Variants in NRDC observed in about 807,000 individuals in gnomAD.
NRDC encodes nardilysin.
NRDC carries 54 observed loss-of-function variants against 147.1 expected under a neutral mutation model. The ratio of observed to expected loss-of-function variants is 0.37; its 90% CI spans 0.29 to 0.46. The LOEUF is 0.46. NRDC is among the 20% of genes least tolerant of loss of function. NRDC has a pLI of 1.00. For missense variants in NRDC, 1,082 were observed against 1,370.6 expected, an observed-to-expected ratio of 0.79 and a Z score of 3.33; for synonymous variants, 440 against 482.1, an observed-to-expected ratio of 0.91 and a Z score of 1.14.
chr1:51,834,824 T>C (rs1359598549), intron 3 of NRDC, among the ~76,000 whole-genome samples: 1 of 152,108 alleles, frequency 6.6e-6, no homozygotes, highest in Non-Finnish European at 1.5e-5. Context: ...CACAAACATA[T>C]ATGCAGATTA....
intron 1 of NRDC, among the ~76,000 whole-genome samples, chr1:51,849,547 T>A (rs1681832166): frequency 1.3e-5 from 2 of 152,304 alleles, no homozygotes; most frequent in South Asian, 4.1e-4. Flanking sequence ...CCGGGCACGG[T>A]GGCTCACGCC....
At chr1:51,802,393 G>GT (rs1233877157) in intron 20 of NRDC, among the ~76,000 whole-genome samples, 1 of 152,002 alleles carries the variant, frequency 6.6e-6, no homozygotes, top group Non-Finnish European at 1.5e-5. Flanking sequence ...TATATATTAG[G>GT]TTTTAATATT....
At chr1:51,791,823 T>C (rs745400539) in intron 26 of NRDC, among the ~76,000 whole-genome samples, 162 bp from the exon 27 acceptor site, 1 of 152,178 alleles carries the variant, frequency 6.6e-6, no homozygotes, top group Non-Finnish European at 1.5e-5. Flanking sequence ...CTCTCCTGAA[T>C]TGGGGACCAC....
intron 26 of NRDC, 120 bp from the exon 27 acceptor site, chr1:51,791,781 A>T: frequency 1.2e-6 from 1 of 812,320 alleles, no homozygotes; most frequent in Non-Finnish European, 2.0e-6. Flanking sequence ...GAAGTCCTGA[A>T]ACAGGACCCA....
intron 11 of NRDC, among the ~76,000 whole-genome samples, chr1:51,815,051 C>A (rs1297888657): frequency 3.9e-5 from 6 of 152,052 alleles, no homozygotes; most frequent in Non-Finnish European, 8.8e-5. Context: ...TTGTTTAATG[C>A]AAATACGAAT....
intron 2 of NRDC, chr1:51,837,696 A>G: frequency 8.4e-7 from 1 of 1,195,178 alleles, no homozygotes; most frequent in Non-Finnish European, 1.1e-6. Flanking sequence ...TGAGAACTGA[A>G]TTAAGAAAGC....
At chr1:51,813,377 G>A (rs759276749) in intron 14 of NRDC, among the ~76,000 whole-genome samples, 10 of 152,158 alleles carry the variant, frequency 6.6e-5, no homozygotes, top group Non-Finnish European at 1.5e-4. Flanking sequence ...AACATAGTCG[G>A]ATTTTTCCTG....
At chr1:51,844,083 TCTC>T (rs1339180051) in intron 1 of NRDC, among the ~76,000 whole-genome samples, 5 of 152,138 alleles carry the variant, frequency 3.3e-5, no homozygotes, top group South Asian at 2.1e-4. Context: ...TCGTGTCTAA[TCTC>T]CTCCTAACTC....
At chr1:51,795,143 A>G in intron 22 of NRDC, 1 of 1,387,974 alleles carries the variant, frequency 7.2e-7, no homozygotes, top group Non-Finnish European at 9.5e-7. Flanking sequence ...GGTTTACCCA[A>G]CTAGGCTGTG....
chr1:51,839,784 C>T (rs1414413102), intron 2 of NRDC, among the ~76,000 whole-genome samples: 1 of 151,962 alleles, frequency 6.6e-6, no homozygotes, highest in Non-Finnish European at 1.5e-5. Flanking sequence ...GAGCCCTAGG[C>T]CCATGTAAAG....
chr1:51,843,867 GA>G (rs1402141281), intron 1 of NRDC, among the ~76,000 whole-genome samples: 2,777 of 138,888 alleles, frequency 0.02, 44 homozygotes, highest in African/African-American at 0.047. Flanking sequence ...CAGGTTGGGG[GA>G]AAAAAAAAAA....
At chr1:51,835,238 T>A (rs1197123961) in intron 3 of NRDC, among the ~76,000 whole-genome samples, 1 of 151,852 alleles carries the variant, frequency 6.6e-6, no homozygotes, top group Non-Finnish European at 1.5e-5. Context: ...ATTTTTGTGT[T>A]TTTGTAGAGA....
chr1:51,798,264 C>T lies in NRDC; in HGVS notation c.2589G>A (p.Gly863=). Residue 863 remains glycine (G), a synonymous_variant, in exon 22 of 31, where the codon GGG becomes GGA. Coordinates refer to ENST00000352171, the MANE Select transcript of NRDC (RefSeq NM_001101662.2). The stretch of plus-strand genomic sequence containing the variant: ...TCACACTCACTGTGCTTGTGACATT[C>T]CCTTGTACCAGGCCCTCCACAAAGA... ...SQLFVEGLVQ[G]NVTSTESMDF... 1 of 1,614,166 alleles carries T rather than the reference C, an allele frequency of 6.2e-7. No individual in the cohort carries two copies. Among genetic ancestry groups the T allele is most frequent in the Non-Finnish European group, 8.5e-7 (1 of 1,180,018 alleles).
intron 1 of NRDC, among the ~76,000 whole-genome samples, chr1:51,863,107 A>G (rs191285546): frequency 5.4e-4 from 81 of 151,146 alleles, no homozygotes; most frequent in African/African-American, 1.6e-3. Context: ...TTCTTCAGAG[A>G]AGTTCAAAAT....
At chr1:51,820,777 T>A (rs1299221626) in intron 8 of NRDC, among the ~76,000 whole-genome samples, 1 of 152,174 alleles carries the variant, frequency 6.6e-6, no homozygotes, top group Non-Finnish European at 1.5e-5. Context: ...GTTACCCATC[T>A]GATGCAAGAA....
chr1:51,800,466 G>T, intron 21 of NRDC, 90 bp downstream of exon 21: 1 of 1,401,204 alleles, frequency 7.1e-7, no homozygotes, highest in Non-Finnish European at 9.9e-7. Context: ...AATTAGCACT[G>T]CAACTATAGC....
chr1:51,807,990 G>A (rs953890011), intron 17 of NRDC, among the ~76,000 whole-genome samples: 4 of 151,856 alleles, frequency 2.6e-5, no homozygotes, highest in Non-Finnish European at 4.4e-5. Context: ...TTTTTTTGGA[G>A]AGATGGGGTT....
chr1:51,804,060 A>T, intron 19 of NRDC, 96 bp from the exon 20 acceptor site: 1 of 1,090,080 alleles, frequency 9.2e-7, no homozygotes, highest in South Asian at 1.7e-5. Flanking sequence ...TCATTTTTAG[A>T]AAGTATAAAT....
chr1:51,874,382 C>T (rs115560832), intron 1 of NRDC, among the ~76,000 whole-genome samples: 2,347 of 150,944 alleles, frequency 0.016, 28 homozygotes, highest in Non-Finnish European at 0.026. Context: ...TATGGGAGGC[C>T]AAGGAGGGCA....
Sources: gnomAD v4.1 joint callset for allele counts (sites outside exome capture counted in the v4.1 genomes callset) on GRCh38, gnomAD v4.1.1 for gene constraint, MANE v1.5 for transcripts, NCBI Gene and HGNC (gene_info 2026-07-23, HGNC 2026-07-21) for gene names.